Variants in CDKAL1 observed in about 807,000 individuals in gnomAD.
CDKAL1 encodes the protein CDKAL1 threonylcarbamoyladenosine tRNA methylthiotransferase, also known as threonylcarbamoyladenosine tRNA methylthiotransferase.
CDKAL1 carries 32 observed loss-of-function variants against 68.2 expected under a neutral mutation model. The observed-to-expected ratio is 0.47, with a 90% CI of 0.35 to 0.63. The LOEUF is 0.63. Ranked by LOEUF, CDKAL1 falls within the 30% of genes least tolerant of loss-of-function variation. The pLI, the probability that CDKAL1 is intolerant of heterozygous loss-of-function variation, is 0.00. For synonymous variants in CDKAL1, 234 were observed against 244.3 expected (o/e 0.96, Z 0.39); for missense variants, 606 against 696.7 (o/e 0.87, Z 1.47).
intron 13 of CDKAL1, among the ~76,000 whole-genome samples, chr6:21,186,331 G>A (rs1778012993): frequency 6.6e-6 from 1 of 151,982 alleles, no homozygotes; most frequent in Admixed American, 6.6e-5. Context: ...TTGGGGAATG[G>A]GGGGGAATGT....
intron 5 of CDKAL1, among the ~76,000 whole-genome samples, chr6:20,700,635 T>C (rs1771308731): frequency 6.6e-6 from 1 of 152,098 alleles, no homozygotes; most frequent in Admixed American, 6.5e-5. Flanking sequence ...CAAGCTCAGA[T>C]TTGTTTTATG....
intron 9 of CDKAL1, among the ~76,000 whole-genome samples, chr6:20,918,694 T>C (rs1762824438): frequency 6.6e-6 from 1 of 152,238 alleles, no homozygotes; most frequent in Admixed American, 6.5e-5. Flanking sequence ...CTGGAGTTGA[T>C]AATTCTCTTA....
intron 5 of CDKAL1, among the ~76,000 whole-genome samples, chr6:20,709,989 A>G (rs952075695): frequency 3.9e-5 from 6 of 152,188 alleles, no homozygotes; most frequent in African/African-American, 1.4e-4. Context: ...CGAGAGTGAA[A>G]TGGATGTTGG....
At chr6:20,802,315 CAATAAT>C (rs55851833) in intron 8 of CDKAL1, among the ~76,000 whole-genome samples, 66 of 115,494 alleles carry the variant, frequency 5.7e-4, no homozygotes, top group African/African-American at 1.7e-3. Flanking sequence ...ACAACAACAA[CAATAAT>C]AATAATAATA....
intron 4 of CDKAL1, among the ~76,000 whole-genome samples, chr6:20,603,612 C>T (rs1270882312): frequency 6.6e-6 from 1 of 152,018 alleles, no homozygotes; most frequent in African/African-American, 2.4e-5. Flanking sequence ...CACGGAAACA[C>T]TAAAGCCCCA....
chr6:20,653,200 C>T (rs1768854322), intron 5 of CDKAL1, among the ~76,000 whole-genome samples: 1 of 152,088 alleles, frequency 6.6e-6, no homozygotes, highest in South Asian at 2.1e-4. Context: ...TTTTCCGGTG[C>T]ACATGTGTAA....
At chr6:21,176,145 G>A (rs1400451069) in intron 13 of CDKAL1, among the ~76,000 whole-genome samples, 1 of 152,246 alleles carries the variant, frequency 6.6e-6, no homozygotes, top group East Asian at 1.9e-4. Context: ...TGATAAAATG[G>A]AATGGAGATT....
chr6:20,618,072 G>A (rs149124144), intron 4 of CDKAL1, among the ~76,000 whole-genome samples: 5 of 152,014 alleles, frequency 3.3e-5, no homozygotes, highest in Non-Finnish European at 7.4e-5. Context: ...ATCCTCTCTG[G>A]CATCTGTTGT....
At chr6:20,543,732 A>ATTTTTTTTTTTT (rs758586145) in intron 2 of CDKAL1, among the ~76,000 whole-genome samples, 3 of 102,418 alleles carry the variant, frequency 2.9e-5, no homozygotes, top group Admixed American at 1.1e-4. Context: ...TATGTTTTAC[A>ATTTTTTTTTTTT]TTTTTTTTTT....
intron 15 of CDKAL1, among the ~76,000 whole-genome samples, chr6:21,226,705 T>TTTTTGTTTTG (rs575298824): frequency 1.3e-5 from 2 of 152,088 alleles, no homozygotes; most frequent in Admixed American, 6.6e-5. Context: ...GTTGTTGCTG[T>TTTTTGTTTTG]TTTTGTTTTG....
At chr6:20,988,911 G>A (rs1023589882) in intron 10 of CDKAL1, among the ~76,000 whole-genome samples, 24 of 151,228 alleles carry the variant, frequency 1.6e-4, no homozygotes, top group African/African-American at 5.6e-4. Context: ...ATCTGCCTCG[G>A]CCTCCCAAAA....
chr6:21,156,513 TC>T, intron 13 of CDKAL1, among the ~76,000 whole-genome samples: 1 of 152,262 alleles, frequency 6.6e-6, no homozygotes, highest in Non-Finnish European at 1.5e-5. Flanking sequence ...TCCCTTTTTT[TC>T]CTTTTTGTGC....
chr6:20,916,512 G>T (rs1030703898), intron 9 of CDKAL1, among the ~76,000 whole-genome samples: 1 of 152,164 alleles, frequency 6.6e-6, no homozygotes, highest in Non-Finnish European at 1.5e-5. Flanking sequence ...AACACTGGGG[G>T]TGCAGGTCAG....
intron 4 of CDKAL1, among the ~76,000 whole-genome samples, chr6:20,600,789 C>CACATATATATATATATATAT (rs1368188844): frequency 5.4e-5 from 7 of 130,480 alleles, no homozygotes; most frequent in South Asian, 4.9e-4. Flanking sequence ...TATATATATA[C>CACATATATATATATATATAT]ACACACACAC....
intron 4 of CDKAL1, among the ~76,000 whole-genome samples, chr6:20,599,557 C>G (rs1561955171): frequency 1.3e-5 from 2 of 152,114 alleles, no homozygotes; most frequent in African/African-American, 4.8e-5. Flanking sequence ...GGAGTTTTGG[C>G]AAAATTTGCA....
At chr6:20,808,491 A>G (rs1776663981) in intron 8 of CDKAL1, among the ~76,000 whole-genome samples, 1 of 152,148 alleles carries the variant, frequency 6.6e-6, no homozygotes, top group Admixed American at 6.5e-5. Context: ...TGATGGAAAC[A>G]GGGAGAGATG....
chr6:21,124,704 A>T (rs1456482853), intron 13 of CDKAL1, among the ~76,000 whole-genome samples: 1 of 151,332 alleles, frequency 6.6e-6, no homozygotes, highest in African/African-American at 2.4e-5. Context: ...TTATAGGTTC[A>T]CTTGGTGGCA....
chr6:20,967,833 G>A lies in CDKAL1; in HGVS notation c.909+12248G>A, dbSNP rs147594059. Among the ~76,000 whole-genome samples, 87 of 152,284 alleles carry A rather than the reference G, an allele frequency of 5.7e-4. 1 individual carries two copies. Among genetic ancestry groups the A allele is most frequent in the African/African-American group, 2.0e-3 (84 of 41,560 alleles). The stretch of plus-strand genomic sequence containing the variant: ...TCTTGGTTTTCATTTATCTGGAAAT[G>A]ACTTAATTTCGTCTTCATTTTTGAA... On this transcript the variant is annotated intron_variant, in intron 10 of 15. Transcript: ENST00000274695.
At chr6:20,685,800 T>A (rs1265874072) in intron 5 of CDKAL1, among the ~76,000 whole-genome samples, 1 of 152,204 alleles carries the variant, frequency 6.6e-6, no homozygotes, top group Non-Finnish European at 1.5e-5. Flanking sequence ...TGTTGCTCAG[T>A]CTGCTCTTGA....
Sources: gnomAD v4.1 joint callset for allele counts (sites outside exome capture counted in the v4.1 genomes callset) on GRCh38, gnomAD v4.1.1 for gene constraint, MANE v1.5 for transcripts, NCBI Gene and HGNC (gene_info 2026-07-23, HGNC 2026-07-21) for gene names.